The following DUS1L variants were observed in gnomAD, a reference collection of about 807,000 sequenced individuals.
DUS1L encodes tRNA-dihydrouridine(16/17) synthase [NAD(P)(+)]-like.
Under a neutral mutation model 61.2 loss-of-function variants are expected in DUS1L, and 56 were observed. That is an observed-to-expected ratio of 0.92 (90% CI 0.74 to 1.14). The LOEUF is 1.14. DUS1L is among the 50% of genes most tolerant of loss of function. The pLI is 0.00. For synonymous variants in DUS1L, 278 were observed against 259.5 expected (o/e 1.07, Z -0.69); for missense variants, 630 against 632.4 (o/e 1.00, Z 0.04).
In DUS1L at chr17:82,061,728, G is replaced by A. The variant is rs765205130; in HGVS notation, c.594-7C>T. The A allele has an allele frequency of 4.3e-6, 7 of 1,612,414 alleles. No individual in the cohort carries two copies. The Admixed American group carries it at 1.0e-4, about 23-fold the overall frequency. On this transcript the variant is annotated splice_region_variant and splice_polypyrimidine_tract_variant and intron_variant, in intron 6 of 13. Transcript: ENST00000306796. ...AGGGATGGCCACAGCCTTCCTGTTG[G>A]CAGAGAAATGCCTGTTTCCACCCGC...
chr17:82,060,150 A>G (rs944531771), intron 10 of DUS1L, 57 bp from the exon 11 acceptor site: 2 of 1,577,922 alleles, frequency 1.3e-6, no homozygotes, highest in Non-Finnish European at 1.7e-6. Flanking sequence ...CCCAGCAGCC[A>G]CAGCCACACG....
intron 3 of DUS1L, among the ~76,000 whole-genome samples, chr17:82,063,893 G>T (rs2033634672): frequency 6.6e-6 from 1 of 152,210 alleles, no homozygotes; most frequent in Non-Finnish European, 1.5e-5. Flanking sequence ...TCATGTTTAT[G>T]CAGAGGGAGC....
chr17:82,059,839 T>C (rs2033380448), intron 11 of DUS1L, 109 bp downstream of exon 11: 1 of 1,499,382 alleles, frequency 6.7e-7, no homozygotes, highest in East Asian at 2.3e-5. Context: ...CTTCCAGCTC[T>C]GGGCCTTGAG....
At chr17:82,065,231 C>G in intron 1 of DUS1L, 162 bp from the exon 2 acceptor site, 1 of 611,840 alleles carries the variant, frequency 1.6e-6, no homozygotes, top group South Asian at 2.2e-5. Context: ...AGAACGGCCA[C>G]TCCAGTGCCG....
intron 7 of DUS1L, 36 bp downstream of exon 7, chr17:82,061,582 C>T (rs1661125264): frequency 1.4e-5 from 23 of 1,590,832 alleles, no homozygotes; most frequent in Non-Finnish European, 2.0e-5. Flanking sequence ...AGGCCGTGTG[C>T]ATGGGGCCCT....
intron 2 of DUS1L, 43 bp downstream of exon 2, chr17:82,064,780 C>G (rs563323890): frequency 0.014 from 22,399 of 1,560,124 alleles, 219 homozygotes; most frequent in South Asian, 0.019. Context: ...ATTCCAGGAC[C>G]GGGAACCCAA....
intron 11 of DUS1L, chr17:82,059,141 G>A (rs557378736): frequency 2.8e-6 from 1 of 353,262 alleles, no homozygotes; most frequent in East Asian, 4.9e-5. Flanking sequence ...CTGCCCACAG[G>A]GTCCAAGGGG....
At chr17:82,063,026 G>T (rs183308360) in intron 4 of DUS1L, 53 bp from the exon 5 acceptor site, 2 of 1,505,094 alleles carry the variant, frequency 1.3e-6, no homozygotes, top group South Asian at 1.1e-5. Flanking sequence ...CCACTTTAGC[G>T]GCCAAGCCCC....
rs374490313 is a variant in DUS1L at position 82,064,846 on chromosome 17, C to T, written c.214G>A (p.Glu72Lys). ...ACCTGCACGATGAGGGGCCGGTCCT[C>T]GGGGCACACCTCGCAGTACAGGTTC... ...KENLYCEVCP[E>K]DRPLIVQFCA... The change falls in exon 2 of 14, where the codon GAG becomes AAG. Residue 72 changes from glutamate to lysine, a missense_variant. By Grantham distance (56) the Glu-to-Lys change is moderately conservative. Transcript: ENST00000306796. 1.9e-5 allele frequency: 30 copies of T among 1,611,298 alleles called. No individual in the cohort carries two copies. The highest frequency in any genetic ancestry group is 2.4e-5 in the Non-Finnish European group (28 of 1,179,404).
intron 12 of DUS1L, 171 bp downstream of exon 12, chr17:82,058,610 G>A (rs778251482): frequency 1.1e-4 from 158 of 1,483,076 alleles, no homozygotes; most frequent in Non-Finnish European, 1.3e-4. Context: ...CCAGGCCTGG[G>A]CAGGGGCTTG....
In DUS1L at chr17:82,063,538, C is replaced by G; in HGVS notation, c.347-20G>C. ...AGTGACCTGCAAGGAGCAAGCATGG[C>G]CTGGCTGGCACCTGTGTTAAGGCTG... On this transcript the variant is annotated intron_variant, in intron 3 of 13. Transcript: ENST00000306796. 6.2e-7 allele frequency: 1 copy of G among 1,613,128 alleles called. No homozygotes were observed. Among genetic ancestry groups the G allele is most frequent in the Non-Finnish European group, 8.5e-7 (1 of 1,179,938 alleles).
chr17:82,063,318 G>A (rs2033602086), intron 4 of DUS1L, 150 bp downstream of exon 4: 1 of 1,074,282 alleles, frequency 9.3e-7, no homozygotes, highest in Non-Finnish European at 1.4e-6. Flanking sequence ...CCTTCCAGCA[G>A]AGAGGCTGCT....
At position 82,063,376 on chromosome 17, in the gene DUS1L, G is replaced by A. The variant is rs2033603967; in HGVS notation, c.397+92C>T. 5.7e-6 allele frequency: 9 copies of A among 1,567,506 alleles called. No individual in the cohort carries two copies. The South Asian group carries it at 1.0e-4, about 17-fold the overall frequency. On this transcript the variant is annotated intron_variant, in intron 4 of 13. Coordinates refer to ENST00000306796, the MANE Select transcript of DUS1L (RefSeq NM_022156.5). Reference sequence around the variant, plus strand: ...ATGCTGAGAACTCCTGCCAACGCCTGTCCTCTCCTGAGCCCCAACCAAGTG... The same window carrying A: ...ATGCTGAGAACTCCTGCCAACGCCTATCCTCTCCTGAGCCCCAACCAAGTG...
chr17:82,062,002 C>T lies in DUS1L; in HGVS notation c.511-19G>A, dbSNP rs372175265. 5.1e-6 allele frequency: 8 copies of T among 1,572,514 alleles called. No individual in the cohort carries two copies. In the African/African-American group the frequency reaches 6.7e-5, roughly 13 times the overall value. On this transcript the variant is annotated intron_variant, in intron 5 of 13. Coordinates refer to ENST00000306796, the MANE Select transcript of DUS1L (RefSeq NM_022156.5). ...TCAGCAACTAGGACAGAGCAGTGGT[C>T]GCTTGACCCCTCCAAGCCCCTTCCG...
chr17:82,058,639 T>A, intron 12 of DUS1L, 142 bp downstream of exon 12: 2 of 1,534,366 alleles, frequency 1.3e-6, no homozygotes, highest in Non-Finnish European at 1.8e-6. Flanking sequence ...CAAGGGGCCG[T>A]CCTGAGGCAT....
intron 11 of DUS1L, chr17:82,059,093 T>C: frequency 4.0e-6 from 2 of 504,630 alleles, no homozygotes; most frequent in Non-Finnish European, 7.2e-6. Context: ...CAGCCTTATC[T>C]GTCCTACCCC....
intron 1 of DUS1L, 196 bp from the exon 2 acceptor site, chr17:82,065,265 G>A (rs115129457): frequency 1.0e-3 from 560 of 557,722 alleles, no homozygotes; most frequent in African/African-American, 8.9e-3. Context: ...GACCTCGGGG[G>A]AGCCGCTGGA....
At chr17:82,061,844 C>G (rs2033516758) in intron 6 of DUS1L, 57 bp downstream of exon 6, 1 of 1,587,194 alleles carries the variant, frequency 6.3e-7, no homozygotes, top group African/African-American at 1.3e-5. Context: ...AGGTGTGGAG[C>G]TGGGACCCCC....
At chr17:82,060,493 G>A (rs965982477) in intron 10 of DUS1L, 3 of 630,572 alleles carry the variant, frequency 4.8e-6, no homozygotes, top group African/African-American at 1.8e-5. Context: ...GGACACAGCT[G>A]AGCCACCAGC....
Sources: allele counts gnomAD v4.1 joint callset (sites outside exome capture counted in the v4.1 genomes callset), GRCh38; gene constraint gnomAD v4.1.1; transcripts MANE v1.5; gene names NCBI Gene and HGNC (gene_info 2026-07-23, HGNC 2026-07-21).